The following TMTC2 variants were observed in gnomAD, a reference collection of about 807,000 sequenced individuals.
TMTC2 encodes the protein transmembrane O-mannosyltransferase targeting cadherins 2.
TMTC2 carries 43 observed loss-of-function variants against 82.4 expected under a neutral mutation model. That is an observed-to-expected ratio of 0.52 (90% CI 0.41 to 0.67). The LOEUF (loss-of-function observed/expected upper bound fraction) is 0.67. Among genes scored for constraint, TMTC2 ranks in the 30% least tolerant of loss-of-function variants. The pLI, the probability that TMTC2 is intolerant of heterozygous loss-of-function variation, is 0.00. For synonymous variants in TMTC2, 408 were observed against 381.9 expected (o/e 1.07, Z -0.80); for missense variants, 919 against 1,012.4 (o/e 0.91, Z 1.25).
chr12:82,895,856 A>T lies in TMTC2; in HGVS notation c.693A>T (p.Leu231Phe). ...CGCTTTTCCTAAGCATTAGTTTGTTAATTTTCTGGGGTTCCTCCCTTTTGG... is the reference window on the plus strand; with the variant it reads ...CGCTTTTCCTAAGCATTAGTTTGTTTATTTTCTGGGGTTCCTCCCTTTTGG... ...NLSLFLSISLLIFWGSSLLGA... is the reference protein window; with the variant it reads ...NLSLFLSISLFIFWGSSLLGA... Residue 231 changes from leucine (L) to phenylalanine (F), a missense_variant, in exon 3 of 12, where the codon TTA (leucine) becomes TTT (phenylalanine). By Grantham distance (22) the Leu-to-Phe change is conservative. Coordinates refer to ENST00000321196, the MANE Select transcript of TMTC2 (RefSeq NM_152588.3). 1 of 1,612,542 alleles carries T rather than the reference A, an allele frequency of 6.2e-7. No individual in the cohort carries two copies. Among genetic ancestry groups the T allele is most frequent in the South Asian group, 1.1e-5 (1 of 90,968 alleles).
chr12:83,035,626 T>C (rs779824903), intron 9 of TMTC2, among the ~76,000 whole-genome samples: 1 of 152,212 alleles, frequency 6.6e-6, no homozygotes, highest in Non-Finnish European at 1.5e-5. Flanking sequence ...AAGTATTCCA[T>C]GTCCATGTGA....
chr12:83,061,947 T>A, intron 11 of TMTC2, 116 bp downstream of exon 11: 4 of 776,624 alleles, frequency 5.2e-6, no homozygotes, highest in Non-Finnish European at 7.8e-6. Flanking sequence ...GTTTTGTTTT[T>A]TCTTTCTCCC....
chr12:82,785,277 C>G (rs902575597), intron 1 of TMTC2, among the ~76,000 whole-genome samples: 2 of 151,950 alleles, frequency 1.3e-5, no homozygotes, highest in Non-Finnish European at 2.9e-5. Context: ...AGGAATTTCC[C>G]TACCCTATGC....
chr12:83,039,948 A>G (rs1182496604), intron 9 of TMTC2, among the ~76,000 whole-genome samples: 1 of 152,222 alleles, frequency 6.6e-6, no homozygotes, highest in Admixed American at 6.5e-5. Context: ...AGAGTTATGA[A>G]AATTTGCAGA....
At chr12:83,122,517 G>A (rs1287309062) in intron 11 of TMTC2, among the ~76,000 whole-genome samples, 1 of 152,070 alleles carries the variant, frequency 6.6e-6, no homozygotes, top group African/African-American at 2.4e-5. Context: ...CTCTAGCCCT[G>A]TATTTCACTC....
chr12:82,816,107 G>C (rs1430612524), intron 1 of TMTC2, among the ~76,000 whole-genome samples: 1 of 151,154 alleles, frequency 6.6e-6, no homozygotes, highest in Non-Finnish European at 1.5e-5. Context: ...AAGAAGTTAA[G>C]GCAATTTACA....
At position 82,688,499 on chromosome 12, in the gene TMTC2, C is replaced by G. The variant is rs910173098; in HGVS notation, c.83+830C>G. Reference sequence around the variant, plus strand: ...CCGTTGTGTTGGTGTCTCTTCCTATCTTTTAAACGTTATTAGTGTTCAGAA... The same window carrying G: ...CCGTTGTGTTGGTGTCTCTTCCTATGTTTTAAACGTTATTAGTGTTCAGAA... On this transcript the variant is annotated intron_variant, in intron 1 of 11. Coordinates refer to ENST00000321196, the MANE Select transcript of TMTC2 (RefSeq NM_152588.3). 2.6e-5 allele frequency among the ~76,000 whole-genome samples: 4 copies of G among 152,192 alleles called. No homozygotes were observed. In the South Asian group the frequency reaches 6.2e-4, roughly 24 times the overall value.
chr12:82,697,334 C>CAAAA (rs367770708), intron 1 of TMTC2, among the ~76,000 whole-genome samples: 2 of 61,628 alleles, frequency 3.2e-5, no homozygotes, highest in African/African-American at 6.7e-5. Context: ...CAGCCTGTCT[C>CAAAA]AAAAAAAAAA....
At chr12:82,792,126 G>C (rs1054057066) in intron 1 of TMTC2, among the ~76,000 whole-genome samples, 3 of 151,652 alleles carry the variant, frequency 2.0e-5, no homozygotes, top group African/African-American at 7.3e-5. Flanking sequence ...TGTCGACTGT[G>C]GTGTTCAGAT....
At chr12:82,820,350 A>G (rs1869015860) in intron 1 of TMTC2, among the ~76,000 whole-genome samples, 1 of 151,856 alleles carries the variant, frequency 6.6e-6, no homozygotes, top group African/African-American at 2.4e-5. Context: ...TAAGGGAACT[A>G]TATTTCTTTC....
At chr12:83,054,914 A>G (rs371079467) in intron 10 of TMTC2, among the ~76,000 whole-genome samples, 1 of 152,064 alleles carries the variant, frequency 6.6e-6, no homozygotes, top group Non-Finnish European at 1.5e-5. Flanking sequence ...GTTGTGTACT[A>G]AAGAATCATT....
chr12:82,871,720 T>TGTGTGTGTGTGTG (rs1555192961), intron 2 of TMTC2, among the ~76,000 whole-genome samples: 6 of 150,706 alleles, frequency 4.0e-5, no homozygotes, highest in African/African-American at 1.5e-4. Flanking sequence ...TGTGTGTGTG[T>TGTGTGTGTGTGTG]TTTAAGACCA....
At chr12:82,986,188 C>G (rs2137338481) in intron 8 of TMTC2, 142 bp downstream of exon 8, 1 of 1,122,192 alleles carries the variant, frequency 8.9e-7, no homozygotes, top group Non-Finnish European at 1.3e-6. Flanking sequence ...GAACCCTGTA[C>G]AGAAAATATA....
chr12:82,767,609 G>T (rs1877048324), intron 1 of TMTC2, among the ~76,000 whole-genome samples: 1 of 151,948 alleles, frequency 6.6e-6, no homozygotes, highest in East Asian at 1.9e-4. Context: ...GTTGACCTAG[G>T]ATATGGCTGG....
At chr12:82,895,215 T>C (rs1021033722) in intron 2 of TMTC2, among the ~76,000 whole-genome samples, 2 of 151,968 alleles carry the variant, frequency 1.3e-5, no homozygotes, top group African/African-American at 4.8e-5. Context: ...TCAGTGACAA[T>C]ATGGGGCAGC....
At chr12:82,909,429 T>C (rs778335539) in intron 3 of TMTC2, among the ~76,000 whole-genome samples, 13 of 152,144 alleles carry the variant, frequency 8.5e-5, no homozygotes, top group Admixed American at 6.6e-5. Context: ...AACCTCCACC[T>C]CCCAGGTTCA....
intron 7 of TMTC2, among the ~76,000 whole-genome samples, chr12:82,984,355 C>T (rs1879063264): frequency 1.3e-5 from 2 of 151,900 alleles, no homozygotes; most frequent in African/African-American, 4.8e-5. Flanking sequence ...TATTTGTCAC[C>T]AATATTTTTC....
chr12:82,965,073 T>C lies in TMTC2; in HGVS notation c.1648T>C (p.Tyr550His). The C allele has an allele frequency of 6.2e-7, 1 of 1,612,632 alleles. No homozygotes were observed. The highest frequency in any genetic ancestry group is 8.5e-7 in the Non-Finnish European group (1 of 1,179,030). ...CAGGTTTGCAGAAGCACTACATTAT[T>C]ATAAATTGGCCATTGGGAGCAGGCC... Reference protein sequence around the residue: ...NSRFAEALHYYKLAIGSRPTL... With the variant: ...NSRFAEALHYHKLAIGSRPTL... The change falls in exon 5 of 12, where the codon TAT (tyrosine) becomes CAT (histidine). Residue 550 changes from tyrosine (Y) to histidine (H), a missense_variant. Transcript: ENST00000321196.
chr12:82,773,678 C>A (rs1179413447), intron 1 of TMTC2, among the ~76,000 whole-genome samples: 1 of 151,940 alleles, frequency 6.6e-6, no homozygotes, highest in Non-Finnish European at 1.5e-5. Context: ...TCAGGCTGCT[C>A]TCGAACTCCT....
Sources: allele counts gnomAD v4.1 joint callset (sites outside exome capture counted in the v4.1 genomes callset), GRCh38; gene constraint gnomAD v4.1.1; transcripts MANE v1.5; gene names NCBI Gene and HGNC (gene_info 2026-07-23, HGNC 2026-07-21).